Variants in ATP2A1 observed in about 807,000 individuals in gnomAD.
ATP2A1 encodes ATPase sarcoplasmic/endoplasmic reticulum Ca2+ transporting 1.
A neutral mutation model predicts 109.5 loss-of-function variants in ATP2A1; 83 were observed. The observed-to-expected ratio is 0.76, with a 90% CI of 0.63 to 0.91. The LOEUF (loss-of-function observed/expected upper bound fraction) is 0.91, where lower values mean the gene tolerates loss of function less well. ATP2A1 is among the 40% of genes least tolerant of loss of function. The probability of loss-of-function intolerance (pLI) is 0.00; values close to 1 mark genes in which losing one functional copy is unlikely to be tolerated. For missense variants in ATP2A1, 1,101 were observed against 1,341.0 expected (o/e 0.82, Z 2.80); for synonymous variants, 505 against 537.6 (o/e 0.94, Z 0.84).
At position 28,902,072 on chromosome 16, in the gene ATP2A1, C is replaced by T. The variant is rs7192781; in HGVS notation, c.2310C>T (p.Gly770=). The change falls in exon 16 of 23, where the codon GGC becomes GGT. Residue 770 remains glycine, a synonymous_variant. Coordinates refer to ENST00000395503, the MANE Select transcript of ATP2A1 (RefSeq NM_004320.6). The surrounding 1 kb of genome is among the most constrained non-coding windows in gnomAD (Gnocchi z 4.8). The part of the protein sequence containing the change: ...FIRYLISSNV[G]EVVCIFLTAA... Reference sequence around the variant, plus strand: ...GCTACCTCATTTCCTCCAACGTGGGCGAGGTGGTCTGGTGAGCAGCTGGGT... The same window carrying T: ...GCTACCTCATTTCCTCCAACGTGGGTGAGGTGGTCTGGTGAGCAGCTGGGT... 1.2e-4 allele frequency: 193 copies of T among 1,614,080 alleles called. No individual in the cohort carries two copies. The highest frequency in any genetic ancestry group is 1.5e-4 in the Non-Finnish European group (176 of 1,180,034).
rs141394193 is a variant in ATP2A1, at chr16:28,900,752, G to A, written c.1936G>A (p.Glu646Lys). 43 of 1,614,248 alleles carry A rather than the reference G, an allele frequency of 2.7e-5. No homozygotes were observed. The highest frequency in any genetic ancestry group is 4.5e-5 in the East Asian group (2 of 44,884). The change falls in exon 15 of 23, where the codon GAG (glutamate) becomes AAG (lysine). Residue 646 changes from glutamate (E) to lysine (K), a missense_variant. Physicochemically the swap from Glu to Lys is moderately conservative, Grantham distance 56. Transcript: ENST00000395503. ...GCGAATTGGCATCTTTGGGGAGAAC[G>A]AGGAGGTGGCCGATCGCGCCTACAC... Reference protein sequence around the residue: ...CRRIGIFGENEEVADRAYTGR... With the variant: ...CRRIGIFGENKEVADRAYTGR...
At chr16:28,881,969 G>T (rs900143326) in intron 4 of ATP2A1, among the ~76,000 whole-genome samples, 1 of 151,672 alleles carries the variant, frequency 6.6e-6, no homozygotes, top group African/African-American at 2.4e-5. Context: ...ACAGGGTCTC[G>T]TTCTCTTGCC....
intron 1 of ATP2A1, 144 bp downstream of exon 1, chr16:28,878,933 T>C (rs1391017719): frequency 3.8e-6 from 5 of 1,331,612 alleles, no homozygotes; most frequent in Non-Finnish European, 5.4e-6. Flanking sequence ...GGGAAGAAGA[T>C]ACTGAGAAAA....
chr16:28,892,633 C>G (rs1963803409), intron 9 of ATP2A1: 1 of 155,284 alleles, frequency 6.4e-6, no homozygotes, highest in Non-Finnish European at 1.4e-5. Flanking sequence ...AAAGCCCAGT[C>G]TCTGTTGCGT....
Position 28,898,752 on chromosome 16 carries a change from A to AAT in ATP2A1, c.1764+301_1764+302insAT, listed in dbSNP as rs1555516761. 2.4e-4 allele frequency among the ~76,000 whole-genome samples: 37 copies of AAT among 151,500 alleles called. No homozygotes were observed. The highest frequency in any genetic ancestry group is 3.4e-3 in the Middle Eastern group (1 of 292). On this transcript the variant is annotated intron_variant, in intron 14 of 22. Transcript: ENST00000395503. This position sits in a 1 kb window ranked among gnomAD's most constrained non-coding sequence, Gnocchi z 4.0. Reference sequence around the variant, plus strand: ...GAACCCCATCTCTATTAAAAAAAAAATTTTTTTAATTACCTGGTTAAATTC... The same window carrying AAT: ...GAACCCCATCTCTATTAAAAAAAAAAATTTTTTTTAATTACCTGGTTAAATTC...
In ATP2A1 at chr16:28,904,288, C is replaced by A; in HGVS notation, c.*146C>A. On this transcript the variant is annotated 3_prime_UTR_variant, in exon 23 of 23. Transcript: ENST00000395503. ...TGGCACAGACCCCCGTCCTGTCCCC[C>A]ACACCCGTGTCATGTGTCTGTTTAT... is the stretch of plus-strand genomic sequence containing the variant. 1 of 1,611,768 alleles carries A rather than the reference C, an allele frequency of 6.2e-7. No individual in the cohort carries two copies. The highest frequency in any genetic ancestry group is 1.1e-5 in the South Asian group (1 of 91,004).
rs549931447 is a variant in ATP2A1 at position 28,883,293 on chromosome 16, C to T, written c.463+704C>T. 7.2e-5 allele frequency among the ~76,000 whole-genome samples: 11 copies of T among 152,234 alleles called. No individual in the cohort carries two copies. In the South Asian group the frequency reaches 2.1e-3, roughly 29 times the overall value. On this transcript the variant is annotated intron_variant, in intron 5 of 22. Coordinates refer to ENST00000395503, the MANE Select transcript of ATP2A1 (RefSeq NM_004320.6). The surrounding 1 kb of genome is among the most constrained non-coding windows in gnomAD (Gnocchi z 5.2). ...CAGAGGCCTCCTTCCCTGTAGCAGA[C>T]ATCCGAATCACCACCCCAGGGAGCT...
chr16:28,896,088 G>A (rs1963910141), intron 12 of ATP2A1, among the ~76,000 whole-genome samples: 1 of 152,136 alleles, frequency 6.6e-6, no homozygotes, highest in Non-Finnish European at 1.5e-5. Flanking sequence ...AGCCTTCCAA[G>A]TAGATGAAGC....
chr16:28,888,175 GGT>G (rs1963673245), intron 8 of ATP2A1, among the ~76,000 whole-genome samples: 2 of 151,996 alleles, frequency 1.3e-5, no homozygotes, highest in Non-Finnish European at 2.9e-5. Context: ...TGGGATTACA[GGT>G]GCACGCCACC....
intron 3 of ATP2A1, 131 bp downstream of exon 3, chr16:28,879,714 C>G (rs575679420): frequency 1.7e-5 from 19 of 1,094,244 alleles, no homozygotes; most frequent in Non-Finnish European, 2.4e-5. Context: ...GGCGGGCTGG[C>G]GCGCAGCAGC....
chr16:28,904,403 A>G lies in ATP2A1; in HGVS notation c.*261A>G. The G allele has an allele frequency of 6.5e-7, 1 of 1,534,778 alleles. No homozygotes were observed. The highest frequency in any genetic ancestry group is 8.7e-7 in the Non-Finnish European group (1 of 1,146,112). Reference sequence around the variant, plus strand: ...CCCTTCCCAACCCCGAGGGGCTTGCAGGGACAAGGCGACCGACTGCGCTGA... The same window carrying G: ...CCCTTCCCAACCCCGAGGGGCTTGCGGGGACAAGGCGACCGACTGCGCTGA... On this transcript the variant is annotated 3_prime_UTR_variant, in exon 23 of 23. Transcript: ENST00000395503.
chr16:28,882,583 G>T lies in ATP2A1; in HGVS notation c.457G>T (p.Val153Leu). ...RDIVPGDIVE[V>L]AVGDKVPADI... ...CATCGTCCCTGGGGACATCGTGGAGGTGGCTGGTGAGTGACAGGGACGGCT... is the reference window on the plus strand; with the variant it reads ...CATCGTCCCTGGGGACATCGTGGAGTTGGCTGGTGAGTGACAGGGACGGCT... Residue 153 changes from valine to leucine, a missense_variant, in exon 5 of 23, where the codon GTG becomes TTG. Val to Leu is a conservative substitution (Grantham distance 32). Coordinates refer to ENST00000395503, the MANE Select transcript of ATP2A1 (RefSeq NM_004320.6). 2 of 1,614,176 alleles carry T rather than the reference G, an allele frequency of 1.2e-6. No homozygotes were observed. Among genetic ancestry groups the T allele is most frequent in the African/African-American group, 1.3e-5 (1 of 75,068 alleles).
intron 8 of ATP2A1, among the ~76,000 whole-genome samples, chr16:28,887,991 C>A (rs982455956): frequency 1.3e-5 from 2 of 149,972 alleles, no homozygotes; most frequent in Non-Finnish European, 3.0e-5. Flanking sequence ...TTAGTAGATA[C>A]GGGGTTTCAC....
chr16:28,878,551 C>A lies in ATP2A1; in HGVS notation c.-121C>A. The A allele has an allele frequency of 1.2e-6, 1 of 865,044 alleles. No homozygotes were observed. Among genetic ancestry groups the A allele is most frequent in the Non-Finnish European group, 1.9e-6 (1 of 529,850 alleles). 53.6% of individuals were successfully genotyped at this position (865,044 alleles called of 1,614,324 possible). On this transcript the variant is annotated 5_prime_UTR_variant, in exon 1 of 23. Transcript: ENST00000395503. ...GGAGGGAAGAAAAACCTGGAGGGGG[C>A]AGGAGAGTAAAAAGAAGAAACCCAG... is the stretch of plus-strand genomic sequence containing the variant.
At chr16:28,889,036 T>C in intron 9 of ATP2A1, 83 bp downstream of exon 9, 1 of 1,560,692 alleles carries the variant, frequency 6.4e-7, no homozygotes, top group African/African-American at 1.4e-5. Context: ...GAGGTCTCCC[T>C]TCATCACTGC....
intron 11 of ATP2A1, 58 bp from the exon 12 acceptor site, chr16:28,894,764 G>A (rs976973642): frequency 1.2e-5 from 19 of 1,608,276 alleles, no homozygotes; most frequent in Middle Eastern, 3.3e-4. Flanking sequence ...GTGGAAGGAG[G>A]GTATGACAGG....
At chr16:28,882,384 C>G (rs192534225) in intron 4 of ATP2A1, 67 bp from the exon 5 acceptor site, 5 of 1,606,546 alleles carry the variant, frequency 3.1e-6, no homozygotes, top group Non-Finnish European at 4.3e-6. Context: ...TCCCCCGTGC[C>G]AGGAGCCACA....
At chr16:28,882,100 CTTTTTTTTTTTTTTT>C (rs778416146) in intron 4 of ATP2A1, among the ~76,000 whole-genome samples, 1 of 90,412 alleles carries the variant, frequency 1.1e-5, no homozygotes, top group African/African-American at 6.2e-5. Context: ...CTACGCCCGG[CTTTTTTTTTTTTTTT>C]TTTTTTTTTT....
intron 9 of ATP2A1, among the ~76,000 whole-genome samples, chr16:28,889,184 C>T (rs1189229340): frequency 1.3e-5 from 2 of 152,122 alleles, no homozygotes; most frequent in East Asian, 3.8e-4. Flanking sequence ...CAGGCACTGC[C>T]ACACATCGTC....
Sources: gnomAD v4.1 joint callset for allele counts (sites outside exome capture counted in the v4.1 genomes callset) on GRCh38, gnomAD v4.1.1 for gene constraint, Gnocchi (gnomAD v3.1) non-coding constraint, MANE v1.5 for transcripts, NCBI Gene and HGNC (gene_info 2026-07-23, HGNC 2026-07-21) for gene names.